ATP2A2: variants seen among roughly 807,000 people sequenced by gnomAD.
The protein encoded by ATP2A2 is ATPase sarcoplasmic/endoplasmic reticulum Ca2+ transporting 2.
Under a neutral mutation model 109.3 loss-of-function variants are expected in ATP2A2, and 14 were observed. The ratio of observed to expected loss-of-function variants is 0.13; its 90% CI spans 0.08 to 0.20. The LOEUF is 0.20. Ranked by LOEUF, ATP2A2 falls within the 10% of genes least tolerant of loss-of-function variation. The pLI is 1.00. For missense variants in ATP2A2, 657 were observed against 1,321.6 expected, an observed-to-expected ratio of 0.50 and a Z score of 7.80; for synonymous variants, 506 against 490.9, an observed-to-expected ratio of 1.03 and a Z score of -0.41.
intron 5 of ATP2A2, 38 bp downstream of exon 5, chr12:110,296,775 G>A (rs1874004771): frequency 6.2e-7 from 1 of 1,605,824 alleles, no homozygotes; most frequent in African/African-American, 1.3e-5. Context: ...ATTCTAGATA[G>A]TATTTCTGAA....
chr12:110,316,677 G>A (rs1876701940), intron 5 of ATP2A2, among the ~76,000 whole-genome samples: 1 of 152,190 alleles, frequency 6.6e-6, no homozygotes, highest in Non-Finnish European at 1.5e-5. Flanking sequence ...GATTCATGAA[G>A]ACCATGCGAG....
intron 11 of ATP2A2, among the ~76,000 whole-genome samples, chr12:110,336,390 T>C (rs1468575186): frequency 6.6e-6 from 1 of 152,192 alleles, no homozygotes; most frequent in African/African-American, 2.4e-5. Context: ...TTTAATGCTT[T>C]TTGTATGTCA....
intron 5 of ATP2A2, among the ~76,000 whole-genome samples, chr12:110,319,966 A>G (rs1226827236): frequency 6.6e-6 from 1 of 152,174 alleles, no homozygotes; most frequent in African/African-American, 2.4e-5. Context: ...GATGTTCAAC[A>G]GTAAGAATAT....
chr12:110,336,074 C>T (rs1242442169), intron 11 of ATP2A2, among the ~76,000 whole-genome samples: 1 of 152,236 alleles, frequency 6.6e-6, no homozygotes, highest in Non-Finnish European at 1.5e-5. Context: ...CCCACTGTCT[C>T]CTAGCTGTGG....
chr12:110,293,312 C>G (rs1873526997), intron 4 of ATP2A2, among the ~76,000 whole-genome samples: 1 of 151,794 alleles, frequency 6.6e-6, no homozygotes, highest in South Asian at 2.1e-4. Context: ...TCGTGATCCA[C>G]CCACCTCGGC....
At chr12:110,337,617 G>A (rs910567408) in intron 11 of ATP2A2, among the ~76,000 whole-genome samples, 37 of 152,170 alleles carry the variant, frequency 2.4e-4, no homozygotes, top group Admixed American at 1.9e-3. Context: ...CAGTCCTCCC[G>A]TAGCTTCCTA....
chr12:110,334,756 T>C (rs760302091), intron 11 of ATP2A2, among the ~76,000 whole-genome samples: 5 of 151,642 alleles, frequency 3.3e-5, no homozygotes, highest in Non-Finnish European at 5.9e-5. Context: ...CCTGGCTAAT[T>C]TTTTGTATTT....
At chr12:110,305,112 T>G (rs544524464) in intron 5 of ATP2A2, among the ~76,000 whole-genome samples, 62 of 152,236 alleles carry the variant, frequency 4.1e-4, no homozygotes, top group African/African-American at 1.5e-3. Context: ...TTTTGTATTT[T>G]TAGTAGAAAC....
At position 110,281,963 on chromosome 12, in the gene ATP2A2, G is replaced by C. The variant is rs766340700; in HGVS notation, c.118+56G>C. 2.8e-6 allele frequency: 4 copies of C among 1,418,884 alleles called. No individual in the cohort carries two copies. The South Asian group carries it at 5.0e-5, about 18-fold the overall frequency. The allele number at this position is 1,418,884 out of a possible 1,614,324, so 87.9% of individuals were successfully genotyped here. A position where few individuals can be genotyped will look rare whatever the true frequency, so the allele number is the denominator to read the frequency against. ...CGGCGCGGCCGGGAGAGCCAGGGAA[G>C]ATGGCTGACCGGGCTCCACCTCGTG... On this transcript the variant is annotated intron_variant, in intron 1 of 19. Transcript: ENST00000539276.
At chr12:110,322,143 A>C (rs905841942) in intron 5 of ATP2A2, among the ~76,000 whole-genome samples, 5 of 152,202 alleles carry the variant, frequency 3.3e-5, no homozygotes, top group African/African-American at 9.7e-5. Flanking sequence ...AAAGTATCAA[A>C]GGATATATGC....
In ATP2A2 at chr12:110,339,809, C is replaced by CATATGTTTGCCAAGT. The variant is rs1879178465; in HGVS notation, c.1761+88_1761+89insATATGTTTGCCAAGT. 15 of 1,403,248 alleles carry CATATGTTTGCCAAGT rather than the reference C, an allele frequency of 1.1e-5. No individual in the cohort carries two copies. The highest frequency in any genetic ancestry group is 1.4e-5 in the Non-Finnish European group (14 of 1,004,772). The allele number at this position is 1,403,248 out of a possible 1,614,324, so 86.9% of individuals were successfully genotyped here. Reference sequence around the variant, plus strand: ...CCTTCAAGCAAAAGGTCAAACAGTTCTCACTTTTGCCAAGAAAGAGGTGTG... The same window carrying CATATGTTTGCCAAGT: ...CCTTCAAGCAAAAGGTCAAACAGTTCATATGTTTGCCAAGTTCACTTTTGCCAAGAAAGAGGTGTG... On this transcript the variant is annotated intron_variant, in intron 13 of 19. Coordinates refer to ENST00000539276, the MANE Select transcript of ATP2A2 (RefSeq NM_170665.4). The surrounding 1 kb of genome is among the most constrained non-coding windows in gnomAD (Gnocchi z 4.4).
intron 5 of ATP2A2, among the ~76,000 whole-genome samples, chr12:110,298,924 T>C (rs1874256006): frequency 1.3e-5 from 2 of 152,134 alleles, no homozygotes; most frequent in Non-Finnish European, 2.9e-5. Flanking sequence ...AATTAGGAAA[T>C]TGATGCAATA....
intron 5 of ATP2A2, among the ~76,000 whole-genome samples, chr12:110,299,479 A>G (rs141680300): frequency 1.6e-4 from 25 of 152,266 alleles, no homozygotes; most frequent in African/African-American, 5.5e-4. Flanking sequence ...GCACATCACA[A>G]TCATCTGGGG....
chr12:110,300,351 C>CTTTT (rs34894637), intron 5 of ATP2A2, among the ~76,000 whole-genome samples: 4 of 104,438 alleles, frequency 3.8e-5, no homozygotes, highest in Admixed American at 1.1e-4. Flanking sequence ...CCATGCCCAG[C>CTTTT]TTTTTTTTTT....
chr12:110,281,994 C>G (rs1488466235), intron 1 of ATP2A2, 87 bp downstream of exon 1: 1 of 1,087,032 alleles, frequency 9.2e-7, no homozygotes, highest in African/African-American at 1.7e-5. Flanking sequence ...TCGTGGGCTT[C>G]GGCTCCGCGC....
Position 110,347,114 on chromosome 12 carries a change from CGA to C in ATP2A2, c.*648_*649del, listed in dbSNP as rs926815466. 1.4e-5 allele frequency: 16 copies of C among 1,137,060 alleles called. No individual in the cohort carries two copies. Among genetic ancestry groups the C allele is most frequent in the African/African-American group, 5.4e-5 (3 of 56,012 alleles). 70.4% of individuals were successfully genotyped at this position (1,137,060 alleles called of 1,614,324 possible). ...TTCGTTCTGTTTACATCAGTTTTAA[CGA>C]GAGGTATGCCTGTACTCGCTTGTGC... On this transcript the variant is annotated 3_prime_UTR_variant, in exon 20 of 20. Transcript: ENST00000539276.
rs1875639169 is a variant in ATP2A2, at chr12:110,308,594, A to G, written c.463+11857A>G. Reference sequence around the variant, plus strand: ...ACCGTGACTGTATAACCTGGGCCAGATAAATAGGTATTTATTTTATTAAGA... The same window carrying G: ...ACCGTGACTGTATAACCTGGGCCAGGTAAATAGGTATTTATTTTATTAAGA... On this transcript the variant is annotated intron_variant, in intron 5 of 19. Coordinates refer to ENST00000539276, the MANE Select transcript of ATP2A2 (RefSeq NM_170665.4). Among the ~76,000 whole-genome samples, 3 of 152,224 alleles carry G rather than the reference A, an allele frequency of 2.0e-5. No homozygotes were observed. In the South Asian group the frequency reaches 6.2e-4, roughly 32 times the overall value.
intron 11 of ATP2A2, among the ~76,000 whole-genome samples, chr12:110,338,352 A>G (rs1879038106): frequency 6.6e-6 from 1 of 152,220 alleles, no homozygotes; most frequent in African/African-American, 2.4e-5. Context: ...GCCATCTTTC[A>G]CAGAGTTCTG....
At chr12:110,334,292 G>A in intron 11 of ATP2A2, 149 bp downstream of exon 11, 1 of 985,252 alleles carries the variant, frequency 1.0e-6, no homozygotes. Context: ...TCACTCTCAG[G>A]TAAGATGCTC....
Sources: allele counts gnomAD v4.1 joint callset (sites outside exome capture counted in the v4.1 genomes callset), GRCh38; gene constraint gnomAD v4.1.1; non-coding constraint Gnocchi (gnomAD v3.1); transcripts MANE v1.5; gene names NCBI Gene and HGNC (gene_info 2026-07-23, HGNC 2026-07-21).